Variants in CNTNAP2 observed in about 807,000 individuals in gnomAD.
CNTNAP2 encodes the protein contactin-associated protein-like 2.
CNTNAP2 carries 98 observed loss-of-function variants against 155.2 expected under a neutral mutation model. The observed-to-expected ratio is 0.63, with a 90% CI of 0.54 to 0.75. The LOEUF is 0.75. Ranked by LOEUF, CNTNAP2 falls within the 30% of genes least tolerant of loss-of-function variation. The probability of loss-of-function intolerance (pLI) is 0.00; values close to 1 mark genes in which losing one functional copy is unlikely to be tolerated. For synonymous variants in CNTNAP2, 651 were observed against 631.2 expected, an observed-to-expected ratio of 1.03 and a Z score of -0.47; for missense variants, 1,727 against 1,688.1, an observed-to-expected ratio of 1.02 and a Z score of -0.40.
At chr7:147,848,179 G>A (rs1233471806) in intron 13 of CNTNAP2, among the ~76,000 whole-genome samples, 1 of 140,090 alleles carries the variant, frequency 7.1e-6, no homozygotes, top group African/African-American at 2.6e-5. Context: ...GGCAATGGCG[G>A]GCGCCCCTCC....
intron 1 of CNTNAP2, among the ~76,000 whole-genome samples, chr7:146,496,039 C>T (rs1797210396): frequency 6.6e-6 from 1 of 152,114 alleles, no homozygotes; most frequent in African/African-American, 2.4e-5. Context: ...CCAGATGTGC[C>T]TTGATTGAGG....
chr7:147,482,834 T>C (rs1487114916), intron 10 of CNTNAP2, among the ~76,000 whole-genome samples: 4 of 151,960 alleles, frequency 2.6e-5, no homozygotes, highest in Admixed American at 6.6e-5. Flanking sequence ...TCACTTGAGG[T>C]CCGGAGTTCG....
At chr7:147,774,885 G>A (rs939339500) in intron 13 of CNTNAP2, among the ~76,000 whole-genome samples, 3 of 152,018 alleles carry the variant, frequency 2.0e-5, no homozygotes, top group Non-Finnish European at 4.4e-5. Context: ...GAAAACTGAA[G>A]CCAGAGAAGT....
At chr7:146,625,565 C>A (rs1799405092) in intron 1 of CNTNAP2, among the ~76,000 whole-genome samples, 3 of 151,782 alleles carry the variant, frequency 2.0e-5, no homozygotes, top group South Asian at 4.2e-4. Context: ...TACATTTGAC[C>A]AAGTTCCATT....
chr7:147,344,940 T>C (rs1438105337), intron 9 of CNTNAP2, among the ~76,000 whole-genome samples: 1 of 152,190 alleles, frequency 6.6e-6, no homozygotes, highest in Non-Finnish European at 1.5e-5. Flanking sequence ...TGTAGCTTTT[T>C]ATTTTGTTAC....
chr7:146,933,784 A>T lies in CNTNAP2; in HGVS notation c.402+93880A>T, dbSNP rs566269038. 7.9e-5 allele frequency among the ~76,000 whole-genome samples: 12 copies of T among 152,320 alleles called. No homozygotes were observed. The East Asian group carries it at 2.3e-3, about 29-fold the overall frequency. ...CCCCATCAAAAAGTGGGCAAAGGAC[A>T]TGAACAGACACTTCTCAAAAGAAGA... On this transcript the variant is annotated intron_variant, in intron 3 of 23. Transcript: ENST00000361727.
At chr7:146,747,915 A>T (rs924041751) in intron 1 of CNTNAP2, among the ~76,000 whole-genome samples, 1 of 152,122 alleles carries the variant, frequency 6.6e-6, no homozygotes, top group Admixed American at 6.6e-5. Flanking sequence ...TATCTATCCA[A>T]TATGATTGAA....
At chr7:148,010,835 AT>A (rs910297276) in intron 15 of CNTNAP2, among the ~76,000 whole-genome samples, 3 of 151,876 alleles carry the variant, frequency 2.0e-5, no homozygotes, top group Non-Finnish European at 4.4e-5. Context: ...TGGGCTCTAT[AT>A]TTTTTTCCTT....
At chr7:147,942,368 TA>T (rs1213705252) in intron 14 of CNTNAP2, among the ~76,000 whole-genome samples, 23 of 152,342 alleles carry the variant, frequency 1.5e-4, no homozygotes, top group Admixed American at 4.6e-4. Context: ...CCTTTCATCC[TA>T]CAGCAAATCA....
At chr7:147,459,721 T>G (rs577059988) in intron 10 of CNTNAP2, among the ~76,000 whole-genome samples, 42 of 152,314 alleles carry the variant, frequency 2.8e-4, no homozygotes, top group African/African-American at 9.4e-4. Flanking sequence ...CAACAAGAAC[T>G]TCCACATTTG....
intron 8 of CNTNAP2, among the ~76,000 whole-genome samples, chr7:147,284,239 T>C (rs185174756): frequency 0.012 from 1,697 of 141,646 alleles, 29 homozygotes; most frequent in African/African-American, 0.04. Flanking sequence ...TATTCTAGTC[T>C]TTTTTTTAAG....
At chr7:147,182,181 A>G (rs1480123386) in intron 8 of CNTNAP2, among the ~76,000 whole-genome samples, 6 of 151,932 alleles carry the variant, frequency 3.9e-5, no homozygotes, top group Non-Finnish European at 7.4e-5. Flanking sequence ...GAGAAATAAA[A>G]ACAAAAGCAA....
At chr7:147,729,585 C>CA (rs1452346818) in intron 13 of CNTNAP2, among the ~76,000 whole-genome samples, 1 of 151,252 alleles carries the variant, frequency 6.6e-6, no homozygotes, top group Non-Finnish European at 1.5e-5. Flanking sequence ...TCAGAGTGTA[C>CA]AAAAAAGAAA....
At chr7:146,924,029 GTA>G (rs1240033882) in intron 3 of CNTNAP2, among the ~76,000 whole-genome samples, 3 of 152,040 alleles carry the variant, frequency 2.0e-5, no homozygotes, top group East Asian at 3.9e-4. Context: ...CTCTCTTAAA[GTA>G]TATGTTTTTT....
At chr7:146,272,695 A>G (rs1800101088) in intron 1 of CNTNAP2, among the ~76,000 whole-genome samples, 1 of 152,120 alleles carries the variant, frequency 6.6e-6, no homozygotes, top group Non-Finnish European at 1.5e-5. Context: ...TCCACATACA[A>G]ATATGTGCCC....
chr7:147,720,470 G>C (rs1181507994), intron 13 of CNTNAP2, among the ~76,000 whole-genome samples: 1 of 152,130 alleles, frequency 6.6e-6, no homozygotes, highest in Non-Finnish European at 1.5e-5. Context: ...GATGTGCCAA[G>C]TTACAAAGTT....
chr7:148,269,953 C>T (rs144048928), intron 21 of CNTNAP2, among the ~76,000 whole-genome samples: 2 of 152,166 alleles, frequency 1.3e-5, no homozygotes, highest in Non-Finnish European at 2.9e-5. Context: ...CTATGATATT[C>T]GTAAAGTAAC....
intron 14 of CNTNAP2, among the ~76,000 whole-genome samples, chr7:147,970,504 C>A (rs1339283542): frequency 2.0e-5 from 3 of 152,048 alleles, no homozygotes; most frequent in Non-Finnish European, 4.4e-5. Context: ...GTGCGCAGAT[C>A]ACTTAAGTCA....
chr7:146,826,836 G>GTGTATA (rs1223630494), intron 2 of CNTNAP2, among the ~76,000 whole-genome samples: 2 of 144,126 alleles, frequency 1.4e-5, no homozygotes, highest in African/African-American at 5.3e-5. Flanking sequence ...ATGAATATAT[G>GTGTATA]TATATATATA....
Sources: gnomAD v4.1 joint callset for allele counts (sites outside exome capture counted in the v4.1 genomes callset) on GRCh38, gnomAD v4.1.1 for gene constraint, MANE v1.5 for transcripts, NCBI Gene and HGNC (gene_info 2026-07-23, HGNC 2026-07-21) for gene names.